The following RAP1GAP2 variants were observed in gnomAD, a reference collection of about 807,000 sequenced individuals.
The protein encoded by RAP1GAP2 is rap1 GTPase-activating protein 2.
RAP1GAP2 carries 27 observed loss-of-function variants against 95.0 expected under a neutral mutation model. The observed-to-expected ratio is 0.28, with a 90% CI of 0.21 to 0.39. The LOEUF is 0.39. RAP1GAP2 is among the 10% of genes least tolerant of loss of function. RAP1GAP2 has a pLI of 1.00. For missense variants in RAP1GAP2, 771 were observed against 970.0 expected (o/e 0.79, Z 2.72); for synonymous variants, 373 against 380.9 (o/e 0.98, Z 0.24).
chr17:2,867,807 G>A lies in RAP1GAP2; in HGVS notation c.81-37477G>A, dbSNP rs1006782319. Among the ~76,000 whole-genome samples, 1 of 152,154 alleles carries A rather than the reference G, an allele frequency of 6.6e-6. No individual in the cohort carries two copies. Among genetic ancestry groups the A allele is most frequent in the Non-Finnish European group, 1.5e-5 (1 of 68,024 alleles). On this transcript the variant is annotated intron_variant, in intron 2 of 24. Transcript: ENST00000254695. The surrounding 1 kb of genome is among the most constrained non-coding windows in gnomAD (Gnocchi z 4.5). ...TGGCCCTAGTGGCTTAGTTGATGCT[G>A]ATCTTGGCACGGTCTTGTCAACTTG...
chr17:2,780,457 G>A (rs548308465), intron 1 of RAP1GAP2, among the ~76,000 whole-genome samples: 5 of 152,368 alleles, frequency 3.3e-5, no homozygotes, highest in South Asian at 2.1e-4. Context: ...TATGAGCGGC[G>A]ATTGGAGAAG....
In RAP1GAP2 at chr17:2,915,367, A is replaced by G. The variant is rs971182099; in HGVS notation, c.165+9999A>G. Among the ~76,000 whole-genome samples, 3 of 151,994 alleles carry G rather than the reference A, an allele frequency of 2.0e-5. No individual in the cohort carries two copies. The East Asian group carries it at 5.8e-4, about 30-fold the overall frequency. ...CACCTCAGCCCCCCGAGTAGCTGGGACTACAGGCTGGTGCCACCACGCCTG... is the reference window on the plus strand; with the variant it reads ...CACCTCAGCCCCCCGAGTAGCTGGGGCTACAGGCTGGTGCCACCACGCCTG... On this transcript the variant is annotated intron_variant, in intron 3 of 24. Transcript: ENST00000254695.
intron 2 of RAP1GAP2, among the ~76,000 whole-genome samples, chr17:2,876,510 A>G (rs2073104543): frequency 6.6e-6 from 1 of 152,188 alleles, no homozygotes; most frequent in Non-Finnish European, 1.5e-5. Context: ...TCTGATTGGC[A>G]GTTCATTGAG....
chr17:2,893,455 C>T (rs1188337483), intron 2 of RAP1GAP2, among the ~76,000 whole-genome samples: 4 of 152,218 alleles, frequency 2.6e-5, no homozygotes, highest in Non-Finnish European at 4.4e-5. Context: ...CTATTTATAT[C>T]TCCTAAAGGA....
In RAP1GAP2 at chr17:2,850,782, C is replaced by T. The variant is rs542878639; in HGVS notation, c.80+50232C>T. On this transcript the variant is annotated intron_variant, in intron 2 of 24. Transcript: ENST00000254695. ...AAAAAAAAAAAAAATTAAGTAAAGG[C>T]CAGGCGCGATGGCTCACACCTGTAA... is the stretch of plus-strand genomic sequence containing the variant. Among the ~76,000 whole-genome samples the T allele has an allele frequency of 4.0e-5, 6 of 148,918 alleles. No homozygotes were observed. The South Asian group carries it at 1.1e-3, about 26-fold the overall frequency.
intron 19 of RAP1GAP2, among the ~76,000 whole-genome samples, chr17:3,020,822 G>T (rs181405692): frequency 6.6e-6 from 1 of 152,318 alleles, no homozygotes; most frequent in Non-Finnish European, 1.5e-5. Context: ...TACTCTTGCC[G>T]CATTTTGACC....
chr17:2,883,668 G>T (rs1567739968), intron 2 of RAP1GAP2, among the ~76,000 whole-genome samples: 1 of 152,160 alleles, frequency 6.6e-6, no homozygotes, highest in Non-Finnish European at 1.5e-5. Context: ...CTGCGGCCTA[G>T]AGTGGGGTAA....
At chr17:2,938,196 C>T (rs556989259) in intron 3 of RAP1GAP2, among the ~76,000 whole-genome samples, 71 of 152,250 alleles carry the variant, frequency 4.7e-4, no homozygotes, top group African/African-American at 1.7e-3. Context: ...TTATATTTCT[C>T]CCATTTTATA....
At chr17:2,881,752 G>A (rs2073301693) in intron 2 of RAP1GAP2, among the ~76,000 whole-genome samples, 1 of 152,082 alleles carries the variant, frequency 6.6e-6, no homozygotes, top group South Asian at 2.1e-4. Flanking sequence ...AACGTTTATT[G>A]TTATCTGTTT....
rs1275123116 is a variant in RAP1GAP2, at chr17:2,833,651, C to A, written c.80+33101C>A. 2.1e-5 allele frequency among the ~76,000 whole-genome samples: 3 copies of A among 141,078 alleles called. No individual in the cohort carries two copies. The East Asian group carries it at 6.4e-4, about 30-fold the overall frequency. The allele number at this position is 141,078 out of a possible 152,430, so 92.6% of individuals were successfully genotyped here. On this transcript the variant is annotated intron_variant, in intron 2 of 24. Coordinates refer to ENST00000254695, the MANE Select transcript of RAP1GAP2 (RefSeq NM_015085.5). ...CTTGCAGTGAGCCGAGATCTCGCCA[C>A]TGCACTCCAACCTGGGAGACACAGC...
At chr17:2,845,540 C>T (rs926251079) in intron 2 of RAP1GAP2, among the ~76,000 whole-genome samples, 1 of 152,206 alleles carries the variant, frequency 6.6e-6, no homozygotes, top group African/African-American at 2.4e-5. Context: ...AGCCATTGTT[C>T]TAATGTTTTT....
intron 2 of RAP1GAP2, among the ~76,000 whole-genome samples, chr17:2,771,244 G>C (rs1390332880): frequency 1.3e-5 from 2 of 152,074 alleles, no homozygotes; most frequent in Non-Finnish European, 2.9e-5. Context: ...TCCCATGCCA[G>C]AGAGTCCAGC....
Position 2,951,346 on chromosome 17 carries a change from T to C in RAP1GAP2, c.166-6413T>C, listed in dbSNP as rs573991654. The stretch of plus-strand genomic sequence containing the variant: ...TTGATCCTTTAAGGTCTGTCTGGGA[T>C]CTTGTGTCTTGCAAAAAGCCTTCGT... On this transcript the variant is annotated intron_variant, in intron 3 of 24. Coordinates refer to ENST00000254695, the MANE Select transcript of RAP1GAP2 (RefSeq NM_015085.5). 3.3e-5 allele frequency among the ~76,000 whole-genome samples: 5 copies of C among 152,320 alleles called. No individual in the cohort carries two copies. In the South Asian group the frequency reaches 1.0e-3, roughly 32 times the overall value.
At chr17:2,920,161 C>T (rs891972394) in intron 3 of RAP1GAP2, among the ~76,000 whole-genome samples, 2 of 152,170 alleles carry the variant, frequency 1.3e-5, no homozygotes, top group East Asian at 1.9e-4. Context: ...TGCACCACCA[C>T]GCCCTGCTAG....
At chr17:2,781,768 G>A (rs765792655) in intron 1 of RAP1GAP2, among the ~76,000 whole-genome samples, 18 of 136,188 alleles carry the variant, frequency 1.3e-4, no homozygotes, top group Admixed American at 4.6e-4. Flanking sequence ...GTGTGTGCAC[G>A]TCTGTGTGTG....
At chr17:2,883,701 C>T (rs1405685566) in intron 2 of RAP1GAP2, among the ~76,000 whole-genome samples, 5 of 152,216 alleles carry the variant, frequency 3.3e-5, no homozygotes, top group Middle Eastern at 3.2e-3. Context: ...CCTTGGGAGT[C>T]GGCTTTTGAG....
At chr17:2,869,836 C>T (rs985930468) in intron 2 of RAP1GAP2, among the ~76,000 whole-genome samples, 1 of 152,188 alleles carries the variant, frequency 6.6e-6, no homozygotes, top group African/African-American at 2.4e-5. Flanking sequence ...CACCCTGTGG[C>T]GCTCTCCTAG....
chr17:2,916,992 CCTT>C (rs1277147642), intron 3 of RAP1GAP2, among the ~76,000 whole-genome samples: 1 of 152,178 alleles, frequency 6.6e-6, no homozygotes, highest in African/African-American at 2.4e-5. Flanking sequence ...GAGCTGTGCT[CCTT>C]CTCTCTTTGT....
At chr17:2,876,962 C>T (rs570731512) in intron 2 of RAP1GAP2, among the ~76,000 whole-genome samples, 10 of 149,048 alleles carry the variant, frequency 6.7e-5, no homozygotes, top group Admixed American at 6.1e-4. Flanking sequence ...GATCTTGGCT[C>T]ACCGCAACCT....
Sources: gnomAD v4.1 joint callset for allele counts (sites outside exome capture counted in the v4.1 genomes callset) on GRCh38, gnomAD v4.1.1 for gene constraint, Gnocchi (gnomAD v3.1) non-coding constraint, MANE v1.5 for transcripts, NCBI Gene and HGNC (gene_info 2026-07-23, HGNC 2026-07-21) for gene names.